KMT2D: variants seen among roughly 807,000 people sequenced by gnomAD.
The protein encoded by KMT2D is histone-lysine N-methyltransferase 2D.
KMT2D carries 55 observed loss-of-function variants against 512.7 expected under a neutral mutation model. The ratio of observed to expected loss-of-function variants is 0.11; its 90% CI spans 0.09 to 0.13. The LOEUF (loss-of-function observed/expected upper bound fraction) is 0.13, where lower values mean the gene tolerates loss of function less well. Among genes scored for constraint, KMT2D ranks in the 10% least tolerant of loss-of-function variants. The pLI is 1.00. For missense variants in KMT2D, 6,061 were observed against 7,127.9 expected, an observed-to-expected ratio of 0.85 and a Z score of 5.39; for synonymous variants, 2,995 against 2,904.0, an observed-to-expected ratio of 1.03 and a Z score of -1.01.
In KMT2D at chr12:49,021,116, C is replaced by T. The variant is rs530983777; in HGVS notation, c.*664G>A. 6 of 199,778 alleles carry T rather than the reference C, an allele frequency of 3.0e-5. No individual in the cohort carries two copies. Among genetic ancestry groups the T allele is most frequent in the South Asian group, 1.9e-4 (1 of 5,220 alleles). The allele number at this position is 199,778 out of a possible 1,614,324, so 12.4% of individuals were successfully genotyped here. ...CACTTAAATGAGGTAGGTGTGGGTG[C>T]GGGGTCTCCTTGCCCGGCTTGCCCA... is the stretch of plus-strand genomic sequence containing the variant. On this transcript the variant is annotated 3_prime_UTR_variant, in exon 55 of 55. Coordinates refer to ENST00000301067, the MANE Select transcript of KMT2D (RefSeq NM_003482.4).
In KMT2D at chr12:49,050,266, G is replaced by A. The variant is rs758024031; in HGVS notation, c.3322C>T (p.Pro1108Ser). 1.9e-6 allele frequency: 3 copies of A among 1,611,948 alleles called. No homozygotes were observed. Among genetic ancestry groups the A allele is most frequent in the African/African-American group, 2.7e-5 (2 of 74,896 alleles). Residue 1108 changes from proline to serine, a missense_variant, in exon 12 of 55, where the codon CCT (proline) becomes TCT (serine). By Grantham distance (74) the Pro-to-Ser change is moderately conservative. Coordinates refer to ENST00000301067, the MANE Select transcript of KMT2D (RefSeq NM_003482.4). ...GAGAAGTCATCCAGGGCTGGGGCAG[G>A]GCTGGGGGCGGGGCAGGAAAGGTCC... ...MGDLSCPAPSPAPALDDFSGL... is the reference protein window; with the variant it reads ...MGDLSCPAPSSAPALDDFSGL...
Position 49,054,778 on chromosome 12 carries a change from C to G in KMT2D, c.177-27G>C, listed in dbSNP as rs188961745. 4 of 1,609,148 alleles carry G rather than the reference C, an allele frequency of 2.5e-6. No individual in the cohort carries two copies. Among genetic ancestry groups the G allele is most frequent in the South Asian group, 2.2e-5 (2 of 90,998 alleles). On this transcript the variant is annotated intron_variant, in intron 3 of 54. Coordinates refer to ENST00000301067, the MANE Select transcript of KMT2D (RefSeq NM_003482.4). This position sits in a 1 kb window ranked among gnomAD's most constrained non-coding sequence, Gnocchi z 6.4. Reference sequence around the variant, plus strand: ...TGTGGACACACAAGCATCAGTACCACGCCAGGCCCCCAGCAACCCCATGAT... The same window carrying G: ...TGTGGACACACAAGCATCAGTACCAGGCCAGGCCCCCAGCAACCCCATGAT...
At position 49,027,034 on chromosome 12, in the gene KMT2D, G is replaced by A. The variant is rs1289043998; in HGVS notation, c.14932C>T (p.Arg4978Cys). ...CGCACTCCTTTCCATTTCTTGAGGC[G>A]AGGAGGACGGGAATCTTCACCTTCT... ...PEEGEDSRPP[R>C]LKKWKGVRWK... Residue 4978 changes from arginine (R) to cysteine (C), a missense_variant, in exon 49 of 55, where the codon CGC becomes TGC. By Grantham distance (180) the Arg-to-Cys change is radical (BLOSUM62 -3). Coordinates refer to ENST00000301067, the MANE Select transcript of KMT2D (RefSeq NM_003482.4). 8 of 1,613,822 alleles carry A rather than the reference G, an allele frequency of 5.0e-6. No homozygotes were observed. In the African/African-American group the frequency reaches 5.3e-5, roughly 11 times the overall value.
chr12:49,059,342 A>G (rs973415784), intron 1 of KMT2D, among the ~76,000 whole-genome samples: 1 of 152,098 alleles, frequency 6.6e-6, no homozygotes, highest in Non-Finnish European at 1.5e-5. Context: ...CAACACAAAA[A>G]TAAACAGGCA....
chr12:49,026,084 A>G lies in KMT2D; in HGVS notation c.15784+98T>C. 2 of 1,188,408 alleles carry G rather than the reference A, an allele frequency of 1.7e-6. No individual in the cohort carries two copies. Among genetic ancestry groups the G allele is most frequent in the Non-Finnish European group, 2.3e-6 (2 of 854,910 alleles). The allele number at this position is 1,188,408 out of a possible 1,614,324, so 73.6% of individuals were successfully genotyped here. ...TGAGGTGGGGGAAGGAGGATCATTCACATAGAAGCTACAGGTCCTCTTATA... is the reference window on the plus strand; with the variant it reads ...TGAGGTGGGGGAAGGAGGATCATTCGCATAGAAGCTACAGGTCCTCTTATA... On this transcript the variant is annotated intron_variant, in intron 49 of 54. Coordinates refer to ENST00000301067, the MANE Select transcript of KMT2D (RefSeq NM_003482.4). This position sits in a 1 kb window ranked among gnomAD's most constrained non-coding sequence, Gnocchi z 9.6.
Position 49,021,681 on chromosome 12 carries a change from TG to T in KMT2D, c.*98del. 9.4e-7 allele frequency: 1 copy of T among 1,066,402 alleles called. No homozygotes were observed. Among genetic ancestry groups the T allele is most frequent in the Non-Finnish European group, 1.4e-6 (1 of 717,888 alleles). The allele number at this position is 1,066,402 out of a possible 1,614,324, so 66.1% of individuals were successfully genotyped here. A position where few individuals can be genotyped will look rare whatever the true frequency, so the allele number is the denominator to read the frequency against. ...CCGGGTCAGCCGGCAGCCCCAACCCTGGGTCCTGGCTCTGGCTGCTACCTCT... is the reference window on the plus strand; with the variant it reads ...CCGGGTCAGCCGGCAGCCCCAACCCTGGTCCTGGCTCTGGCTGCTACCTCT... On this transcript the variant is annotated 3_prime_UTR_variant, in exon 55 of 55. Transcript: ENST00000301067.
In KMT2D at chr12:49,051,259, G is replaced by A. The variant is rs1284938978; in HGVS notation, c.2424C>T (p.Pro808=). 6.5e-7 allele frequency: 1 copy of A among 1,538,814 alleles called. No homozygotes were observed. The highest frequency in any genetic ancestry group is 8.8e-7 in the Non-Finnish European group (1 of 1,141,978). The change falls in exon 11 of 55, where the codon CCC becomes CCT. Residue 808 remains proline, a synonymous_variant. Transcript: ENST00000301067. ...GAGACAGGTGCGGCTCCTCAGTCTGGGGGGACAGGTGCAATTCCTCAGGCT... is the reference window on the plus strand; with the variant it reads ...GAGACAGGTGCGGCTCCTCAGTCTGAGGGGACAGGTGCAATTCCTCAGGCT... ...SPQPEELHLS[P]QTEEPHLSPV...
In KMT2D at chr12:49,051,421, G is replaced by A. The variant is rs773742100; in HGVS notation, c.2262C>T (p.Pro754=). 3 of 1,605,348 alleles carry A rather than the reference G, an allele frequency of 1.9e-6. No homozygotes were observed. The highest frequency in any genetic ancestry group is 2.2e-5 in the South Asian group (2 of 90,748). Reference sequence around the variant, plus strand: ...GAGATAGGTGTGGCTCCTCAGGCCGGGGGGACAGGTGCGGCTCCTCAGGCC... The same window carrying A: ...GAGATAGGTGTGGCTCCTCAGGCCGAGGGGACAGGTGCGGCTCCTCAGGCC... The part of the protein sequence containing the change: ...SPRPEEPHLS[P]RPEEPHLSPQ... Residue 754 remains proline, a synonymous_variant, in exon 11 of 55, where the codon CCC becomes CCT. Coordinates refer to ENST00000301067, the MANE Select transcript of KMT2D (RefSeq NM_003482.4).
rs879897260 is a variant in KMT2D, at chr12:49,019,797, T to TAA, written c.*1981_*1982dup. 11 of 197,662 alleles carry TAA rather than the reference T, an allele frequency of 5.6e-5. No individual in the cohort carries two copies. The highest frequency in any genetic ancestry group is 1.6e-3 in the Middle Eastern group (1 of 632). 12.2% of individuals were successfully genotyped at this position (197,662 alleles called of 1,614,324 possible). On this transcript the variant is annotated 3_prime_UTR_variant, in exon 55 of 55. Coordinates refer to ENST00000301067, the MANE Select transcript of KMT2D (RefSeq NM_003482.4). ...CTTGAAACAGTTGAGGAAGCAGCTT[T>TAA]AAAAAAAAAAAATCTCCCTACCCCC...
Position 49,027,196 on chromosome 12 carries a change from A to G in KMT2D, c.14770T>C (p.Ser4924Pro), listed in dbSNP as rs781575007. Residue 4924 changes from serine (S) to proline (P), a missense_variant, in exon 49 of 55, where the codon TCT (serine) becomes CCT (proline). Around this residue, in one of 16 missense-constraint regions of KMT2D, gnomAD observed 1,600 missense variants for 1,754.9 expected, o/e 0.91. Transcript: ENST00000301067. The part of the protein sequence containing the change: ...PSPPPSPLAP[S>P]PASPPTEPLV... ...GGCTCAGTAGGGGGACTGGCAGGAGAAGGTGCCAAGGGGGAAGGGGGCGGG... is the reference window on the plus strand; with the variant it reads ...GGCTCAGTAGGGGGACTGGCAGGAGGAGGTGCCAAGGGGGAAGGGGGCGGG... 2.0e-6 allele frequency: 3 copies of G among 1,537,688 alleles called. No homozygotes were observed. Among genetic ancestry groups the G allele is most frequent in the East Asian group, 2.3e-5 (1 of 44,234 alleles).
intron 19 of KMT2D, among the ~76,000 whole-genome samples, chr12:49,045,222 T>C (rs1324943902): frequency 1.3e-5 from 2 of 152,142 alleles, no homozygotes; most frequent in Non-Finnish European, 2.9e-5. Context: ...GTTCACTAAA[T>C]AGATTCTCTT....
In KMT2D at chr12:49,044,957, A is replaced by T. The variant is rs2120590116; in HGVS notation, c.4750T>A (p.Tyr1584Asn). ...PMKVKEPEPQ[Y>N]FRFEGVWLTE... ...AGCCACACACCTTCGAAGCGAAAGT[A>T]CTGGGGCTCTGCATAAGAGGAAAGA... Residue 1584 changes from tyrosine to asparagine, a missense_variant, in exon 20 of 55, where the codon TAC (tyrosine) becomes AAC (asparagine). Tyr to Asn is a moderately radical substitution (Grantham distance 143). Coordinates refer to ENST00000301067, the MANE Select transcript of KMT2D (RefSeq NM_003482.4). This position sits in a 1 kb window ranked among gnomAD's most constrained non-coding sequence, Gnocchi z 6.4. 6.2e-7 allele frequency: 1 copy of T among 1,613,550 alleles called. No homozygotes were observed. Among genetic ancestry groups the T allele is most frequent in the South Asian group, 1.1e-5 (1 of 91,082 alleles).
rs1249573738 is a variant in KMT2D, at chr12:49,020,845, T to TG, written c.*934dup. 6 of 201,126 alleles carry TG rather than the reference T, an allele frequency of 3.0e-5. No homozygotes were observed. The East Asian group carries it at 3.8e-4, about 13-fold the overall frequency. 12.5% of individuals were successfully genotyped at this position (201,126 alleles called of 1,614,324 possible). On this transcript the variant is annotated 3_prime_UTR_variant, in exon 55 of 55. Coordinates refer to ENST00000301067, the MANE Select transcript of KMT2D (RefSeq NM_003482.4). ...TAGGTTTAGCTCCCTCCTGCCCCCA[T>TG]GTCCAGATGGAGAAGGAAGTCCTAG...
At position 49,041,066 on chromosome 12, in the gene KMT2D, C is replaced by T. The variant is rs551403860; in HGVS notation, c.6704G>A (p.Arg2235Lys). ...TGGGTCAGGTGTGGAGGGCTGGTGT[C>T]TGGGGGTGCCAGGTGGGGTAGTGTG... The part of the protein sequence containing the change: ...EFHTTPPGTP[R>K]HQPSTPDPFL... Residue 2235 changes from arginine to lysine, a missense_variant, in exon 32 of 55, where the codon AGA becomes AAA. Transcript: ENST00000301067. This position sits in a 1 kb window ranked among gnomAD's most constrained non-coding sequence, Gnocchi z 5.4. The T allele has an allele frequency of 3.5e-4, 537 of 1,537,658 alleles. 4 individuals are homozygous for T. In the South Asian group the frequency reaches 6.5e-3, roughly 19 times the overall value.
chr12:49,030,503 G>T (rs985728453), intron 42 of KMT2D, 64 bp from the exon 43 acceptor site: 1 of 1,415,782 alleles, frequency 7.1e-7, no homozygotes, highest in Non-Finnish European at 9.7e-7. Flanking sequence ...TAATCTCCTG[G>T]CCCCACTCTA....
chr12:49,055,338 T>C lies in KMT2D; in HGVS notation c.-14A>G, dbSNP rs746552370. 3.1e-6 allele frequency: 5 copies of C among 1,613,516 alleles called. No individual in the cohort carries two copies. In the Admixed American group the frequency reaches 8.3e-5, roughly 27 times the overall value. On this transcript the variant is annotated 5_prime_UTR_variant, in exon 2 of 55. Coordinates refer to ENST00000301067, the MANE Select transcript of KMT2D (RefSeq NM_003482.4). Reference sequence around the variant, plus strand: ...CTGGCTGTCCATCCCTCTCTCCGACTGGGCAGGGCCCTCTCGGGGAGACCT... The same window carrying C: ...CTGGCTGTCCATCCCTCTCTCCGACCGGGCAGGGCCCTCTCGGGGAGACCT...
Position 49,030,448 on chromosome 12 carries a change from T to C in KMT2D, c.13840-9A>G, listed in dbSNP as rs771568097. 3.7e-6 allele frequency: 1 copy of C among 268,436 alleles called. No individual in the cohort carries two copies. The highest frequency in any genetic ancestry group is 5.4e-6 in the Non-Finnish European group (1 of 183,960). 16.6% of individuals were successfully genotyped at this position (268,436 alleles called of 1,614,324 possible). Reference sequence around the variant, plus strand: ...GGGTTACTCAGGTTATTCTGAGGGGTGGGGGGTGGGGTGTTGTGTGCAAGA... The same window carrying C: ...GGGTTACTCAGGTTATTCTGAGGGGCGGGGGGTGGGGTGTTGTGTGCAAGA... On this transcript the variant is annotated splice_polypyrimidine_tract_variant and intron_variant, in intron 42 of 54. Coordinates refer to ENST00000301067, the MANE Select transcript of KMT2D (RefSeq NM_003482.4).
chr12:49,046,815 C>A lies in KMT2D; in HGVS notation c.4237-25G>T, dbSNP rs2120613345. On this transcript the variant is annotated intron_variant, in intron 15 of 54. Transcript: ENST00000301067. The surrounding 1 kb of genome is among the most constrained non-coding windows in gnomAD (Gnocchi z 4.2). ...TCTGGGGCAGAAGATGGGAACTTCTCAGGGTGTGAGGTGGAAAAGAGGTAG... is the reference window on the plus strand; with the variant it reads ...TCTGGGGCAGAAGATGGGAACTTCTAAGGGTGTGAGGTGGAAAAGAGGTAG... The A allele has an allele frequency of 6.2e-7, 1 of 1,600,560 alleles. No homozygotes were observed. The highest frequency in any genetic ancestry group is 1.1e-5 in the South Asian group (1 of 90,088).
rs2120388162 is a variant in KMT2D at position 49,028,940 on chromosome 12, G to A, written c.14270C>T (p.Pro4757Leu). The change falls in exon 46 of 55, where the codon CCT becomes CTT. Residue 4757 changes from proline to leucine, a missense_variant. Pro to Leu is a moderately conservative substitution (Grantham distance 98). This residue lies in a region of KMT2D where 1,600 missense variants were observed against 1,754.9 expected (regional missense o/e 0.91). Transcript: ENST00000301067. ...ASIPVFPDTK[P>L]YGALGLEVPG... Reference sequence around the variant, plus strand: ...GACCTCCAGGCCAAGGGCCCCATAAGGTTTGGTATCTGGGAAGACTGAATG... The same window carrying A: ...GACCTCCAGGCCAAGGGCCCCATAAAGTTTGGTATCTGGGAAGACTGAATG... 6.2e-7 allele frequency: 1 copy of A among 1,613,968 alleles called. No individual in the cohort carries two copies. The highest frequency in any genetic ancestry group is 8.5e-7 in the Non-Finnish European group (1 of 1,179,870).
Sources: allele counts gnomAD v4.1 joint callset (sites outside exome capture counted in the v4.1 genomes callset), GRCh38; gene constraint gnomAD v4.1.1; regional missense constraint gnomAD v4.1.1; non-coding constraint Gnocchi (gnomAD v3.1); transcripts MANE v1.5; gene names NCBI Gene and HGNC (gene_info 2026-07-23, HGNC 2026-07-21).